Variants in SCYL3 observed in about 807,000 individuals in gnomAD.
SCYL3 encodes SCY1 like pseudokinase 3.
In SCYL3, 35 loss-of-function variants were observed where a neutral mutation model predicts 73.8. The ratio of observed to expected loss-of-function variants is 0.47; its 90% CI spans 0.36 to 0.63. SCYL3 has a LOEUF of 0.63. SCYL3 is among the 20% of genes least tolerant of loss of function. The pLI is 0.00. For synonymous variants in SCYL3, 277 were observed against 295.2 expected (o/e 0.94, Z 0.63); for missense variants, 712 against 798.9 (o/e 0.89, Z 1.31).
At position 169,850,324 on chromosome 1, in the gene SCYL3, A is replaced by C. The variant is rs1657960051; in HGVS notation, c.*3389T>G. 1.2e-6 allele frequency: 2 copies of C among 1,609,176 alleles called. No homozygotes were observed. The highest frequency in any genetic ancestry group is 3.3e-5 in the Admixed American group (2 of 59,978). The stretch of plus-strand genomic sequence containing the variant: ...TCAGTTCTGAAGAAACTAAGAACAA[A>C]GTTGTATCCTTTCTGGAGAAGGTAC... On this transcript the variant is annotated 3_prime_UTR_variant, in exon 13 of 13. Transcript: ENST00000367771.
At position 169,867,444 on chromosome 1, in the gene SCYL3, A is replaced by G. The variant is rs375106744; in HGVS notation, c.738-471T>C. The stretch of plus-strand genomic sequence containing the variant: ...TACTTGGTCATTCTTTCAGCCAGGC[A>G]GGGATTAGTGTGAGAGGAGTGGTCG... On this transcript the variant is annotated intron_variant, in intron 7 of 12. Coordinates refer to ENST00000367771, the MANE Select transcript of SCYL3 (RefSeq NM_020423.7). Among the ~76,000 whole-genome samples, 3 of 152,202 alleles carry G rather than the reference A, an allele frequency of 2.0e-5. No homozygotes were observed. In the East Asian group the frequency reaches 5.8e-4, roughly 29 times the overall value.
At chr1:169,867,702 T>G (rs1173305124) in intron 7 of SCYL3, among the ~76,000 whole-genome samples, 1 of 152,230 alleles carries the variant, frequency 6.6e-6, no homozygotes, top group Non-Finnish European at 1.5e-5. Flanking sequence ...ATCAATCAAA[T>G]TGGTTCAGCT....
Position 169,875,981 on chromosome 1 carries a change from T to G in SCYL3, c.462A>C (p.Pro154=). ...ETVCKVSQAT[P]EFLRSIQSIR... ...GGGGGGCTGTCCCCTGGCTTACCTCTGGTGTGGCCTGAGAAACTTTACAAA... is the reference window on the plus strand; with the variant it reads ...GGGGGGCTGTCCCCTGGCTTACCTCGGGTGTGGCCTGAGAAACTTTACAAA... The change falls in exon 4 of 13, where the codon CCA becomes CCC. Residue 154 remains proline, a synonymous_variant. Coordinates refer to ENST00000367771, the MANE Select transcript of SCYL3 (RefSeq NM_020423.7). The G allele has an allele frequency of 6.2e-7, 1 of 1,603,150 alleles. No homozygotes were observed. The highest frequency in any genetic ancestry group is 8.5e-7 in the Non-Finnish European group (1 of 1,174,486).
In SCYL3 at chr1:169,887,156, CAT is replaced by C. The variant is rs976705881; in HGVS notation, c.165+1518_165+1519del. 1.7e-4 allele frequency among the ~76,000 whole-genome samples: 26 copies of C among 152,186 alleles called. 1 individual carries two copies. Among genetic ancestry groups the C allele is most frequent in the Admixed American group, 1.2e-3 (19 of 15,286 alleles). ...GTTGCAATTTCAAATTTCCCAAATT[CAT>C]ATATGAGGTTTTCAAAGCCACAGAA... On this transcript the variant is annotated intron_variant, in intron 2 of 12. Transcript: ENST00000367771.
At chr1:169,864,654 C>T (rs767346671) in intron 8 of SCYL3, 146 bp from the exon 9 acceptor site, 19 of 860,738 alleles carry the variant, frequency 2.2e-5, no homozygotes, top group Admixed American at 2.0e-4. Context: ...CAGATTGGTC[C>T]CCAAGTACTT....
intron 5 of SCYL3, among the ~76,000 whole-genome samples, 197 bp downstream of exon 5, chr1:169,873,499 G>A (rs1660577856): frequency 1.3e-5 from 2 of 152,140 alleles, no homozygotes; most frequent in African/African-American, 4.8e-5. Context: ...AATATCATAG[G>A]TGTTTATGTG....
In SCYL3 at chr1:169,853,839, T is replaced by C. The variant is rs371026660; in HGVS notation, c.2008-67A>G. On this transcript the variant is annotated intron_variant, in intron 12 of 12. Transcript: ENST00000367771. ...TCATATGCAAAAATCATACGCAAAT[T>C]TGAAAAAGCAGGAATTTAAAATTTA... The C allele has an allele frequency of 8.8e-5, 139 of 1,571,160 alleles. 1 individual carries two copies. The highest frequency in any genetic ancestry group is 7.8e-5 in the Non-Finnish European group (90 of 1,147,224).
intron 3 of SCYL3, among the ~76,000 whole-genome samples, chr1:169,877,027 C>A (rs2102187164): frequency 7.9e-6 from 1 of 126,376 alleles, no homozygotes. Flanking sequence ...CATTTTAAAA[C>A]TGTAAAAATA....
chr1:169,861,414 C>A (rs752841612), intron 10 of SCYL3, among the ~76,000 whole-genome samples: 24 of 152,274 alleles, frequency 1.6e-4, no homozygotes, highest in East Asian at 9.6e-4. Flanking sequence ...TACAAGCCCC[C>A]CAAGCTTCCT....
In SCYL3 at chr1:169,876,109, C is replaced by T. The variant is rs747469495; in HGVS notation, c.352-18G>A. 2.7e-6 allele frequency: 4 copies of T among 1,459,560 alleles called. No homozygotes were observed. The highest frequency in any genetic ancestry group is 1.9e-6 in the Non-Finnish European group (2 of 1,072,320). 90.4% of individuals were successfully genotyped at this position (1,459,560 alleles called of 1,614,324 possible). ...AGGTGTCCCTGGAAAAAAAAAAGAA[C>T]AGAAGGAAGAGTGCCACTCCAGGAT... On this transcript the variant is annotated intron_variant, in intron 3 of 12. Transcript: ENST00000367771.
intron 2 of SCYL3, among the ~76,000 whole-genome samples, chr1:169,884,169 ATTTC>A (rs1369799695): frequency 6.6e-6 from 1 of 152,226 alleles, no homozygotes; most frequent in Non-Finnish European, 1.5e-5. Context: ...TGAAGAAAAA[ATTTC>A]TTTAACTAGC....
In SCYL3 at chr1:169,853,356, G is replaced by T; in HGVS notation, c.*357C>A. The T allele has an allele frequency of 3.2e-6, 1 of 314,204 alleles. No individual in the cohort carries two copies. Among genetic ancestry groups the T allele is most frequent in the South Asian group, 6.9e-5 (1 of 14,570 alleles). The allele number at this position is 314,204 out of a possible 1,614,324, so 19.5% of individuals were successfully genotyped here. ...GAGCTTACTCTTATGTTAAAGAATGGCACAAAATTAAGCTAACCAGCTTGA... is the reference window on the plus strand; with the variant it reads ...GAGCTTACTCTTATGTTAAAGAATGTCACAAAATTAAGCTAACCAGCTTGA... On this transcript the variant is annotated 3_prime_UTR_variant, in exon 13 of 13. Coordinates refer to ENST00000367771, the MANE Select transcript of SCYL3 (RefSeq NM_020423.7).
At chr1:169,888,588 C>A in intron 2 of SCYL3, 88 bp downstream of exon 2, 2 of 1,077,240 alleles carry the variant, frequency 1.9e-6, no homozygotes, top group Non-Finnish European at 2.7e-6. Context: ...GATCTTACCT[C>A]CTTTGAACTT....
At chr1:169,874,930 G>C (rs1043753429) in intron 4 of SCYL3, among the ~76,000 whole-genome samples, 1 of 152,068 alleles carries the variant, frequency 6.6e-6, no homozygotes, top group Non-Finnish European at 1.5e-5. Context: ...CCGTTTCCCA[G>C]CACTCCCCAG....
At chr1:169,876,958 TAAA>T (rs61051062) in intron 3 of SCYL3, among the ~76,000 whole-genome samples, 53 of 76,386 alleles carry the variant, frequency 6.9e-4, no homozygotes, top group African/African-American at 2.1e-3. Context: ...TTGTCTCAAA[TAAA>T]AAAAAAAAAA....
intron 2 of SCYL3, among the ~76,000 whole-genome samples, chr1:169,879,703 C>A (rs1184118293): frequency 2.0e-5 from 3 of 152,134 alleles, no homozygotes; most frequent in African/African-American, 7.2e-5. Context: ...AACACATTCT[C>A]AATGGAAAAG....
chr1:169,854,673 G>GTGAT lies in SCYL3; in HGVS notation c.1600_1603dup (p.Thr535AsnfsTer23). 6.2e-7 allele frequency: 1 copy of GTGAT among 1,614,068 alleles called. No individual in the cohort carries two copies. On this transcript the variant is annotated frameshift_variant, in exon 12 of 13. Coordinates refer to ENST00000367771, the MANE Select transcript of SCYL3 (RefSeq NM_020423.7). LOFTEE classifies it high-confidence loss of function. ...CCCTGAGGTAACAGGTTTTGTAGCA[G>GTGAT]TGATTCCACCTCCTGGGTTTACTTT...
chr1:169,856,808 T>G (rs1417138427), intron 11 of SCYL3, among the ~76,000 whole-genome samples: 3 of 152,232 alleles, frequency 2.0e-5, no homozygotes, highest in African/African-American at 7.2e-5. Context: ...TTTGCAGCCA[T>G]GACGCTGGTT....
chr1:169,859,082 G>T lies in SCYL3; in HGVS notation c.1271C>A (p.Thr424Asn). ...GGERTKIFKRTAPSFTKNTDL... is the reference protein window; with the variant it reads ...GGERTKIFKRNAPSFTKNTDL... The stretch of plus-strand genomic sequence containing the variant: ...AGTATTTTTAGTAAAACTTGGGGCA[G>T]TGCGTTTGAAGATCTTGGTTCGTTC... The change falls in exon 11 of 13, where the codon ACT (threonine) becomes AAT (asparagine). Residue 424 changes from threonine to asparagine, a missense_variant. Coordinates refer to ENST00000367771, the MANE Select transcript of SCYL3 (RefSeq NM_020423.7). 6.2e-7 allele frequency: 1 copy of T among 1,613,980 alleles called. No homozygotes were observed. Among genetic ancestry groups the T allele is most frequent in the Non-Finnish European group, 8.5e-7 (1 of 1,179,968 alleles).
Sources: gnomAD v4.1 joint callset for allele counts (sites outside exome capture counted in the v4.1 genomes callset) on GRCh38, gnomAD v4.1.1 for gene constraint, MANE v1.5 for transcripts, NCBI Gene and HGNC (gene_info 2026-07-23, HGNC 2026-07-21) for gene names.